Variants in BTBD16 observed in about 807,000 individuals in gnomAD.
BTBD16 encodes the protein BTB/POZ domain-containing protein 16.
BTBD16 carries 66 observed loss-of-function variants against 67.4 expected under a neutral mutation model. The ratio of observed to expected loss-of-function variants is 0.98; its 90% CI spans 0.80 to 1.20. The LOEUF (loss-of-function observed/expected upper bound fraction) is 1.20, where lower values mean the gene tolerates loss of function less well. BTBD16 is among the 50% of genes most tolerant of loss of function. The pLI, the probability that BTBD16 is intolerant of heterozygous loss-of-function variation, is 0.00. For missense variants in BTBD16, 634 were observed against 616.0 expected (o/e 1.03, Z -0.31); for synonymous variants, 242 against 236.4 (o/e 1.02, Z -0.22).
chr10:122,284,001 A>T (rs989706065), intron 4 of BTBD16, 77 bp downstream of exon 4: 20 of 1,088,452 alleles, frequency 1.8e-5, no homozygotes, highest in Middle Eastern at 1.9e-4. Context: ...ATGGAAGGAG[A>T]CCAGTCCATA....
intron 9 of BTBD16, among the ~76,000 whole-genome samples, chr10:122,302,414 T>C (rs2096395734): frequency 6.6e-6 from 1 of 152,212 alleles, no homozygotes. Flanking sequence ...GCTCATGGAC[T>C]TAGGAGGATG....
At chr10:122,294,565 C>T (rs2096379786) in intron 7 of BTBD16, among the ~76,000 whole-genome samples, 1 of 152,254 alleles carries the variant, frequency 6.6e-6, no homozygotes, top group Non-Finnish European at 1.5e-5. Flanking sequence ...CACACACGCT[C>T]ACACACATAC....
intron 3 of BTBD16, among the ~76,000 whole-genome samples, chr10:122,283,087 T>C (rs1462291713): frequency 6.6e-6 from 1 of 152,146 alleles, no homozygotes; most frequent in East Asian, 1.9e-4. Flanking sequence ...AGTTTGGGCT[T>C]TCCCCCAAGA....
rs370753284 is a variant in BTBD16, at chr10:122,331,153, A to G, written c.1004-23A>G. ...TCTGGTGTGAATAAAACTAAAAAAC[A>G]TTCTCTTTGCGTTTCTTCCCAGGCA... On this transcript the variant is annotated intron_variant, in intron 11 of 15. Coordinates refer to ENST00000260723, the MANE Select transcript of BTBD16 (RefSeq NM_144587.5). The G allele has an allele frequency of 1.5e-5, 24 of 1,604,492 alleles. No individual in the cohort carries two copies. In the African/African-American group the frequency reaches 2.6e-4, roughly 17 times the overall value.
chr10:122,332,753 G>A lies in BTBD16; in HGVS notation c.1164+240G>A, dbSNP rs528025479. ...CACTAAGAGGACCAGCAGTCCTGGT[G>A]GTACTGGAATGGAGGAGTTGCCCTG... On this transcript the variant is annotated intron_variant, in intron 13 of 15. Coordinates refer to ENST00000260723, the MANE Select transcript of BTBD16 (RefSeq NM_144587.5). The A allele has an allele frequency of 9.7e-5, 87 of 894,216 alleles. 1 individual carries two copies. The South Asian group carries it at 3.6e-3, about 37-fold the overall frequency. 55.4% of individuals were successfully genotyped at this position (894,216 alleles called of 1,614,324 possible).
chr10:122,317,301 C>T (rs1304734661), intron 10 of BTBD16, among the ~76,000 whole-genome samples: 1 of 152,114 alleles, frequency 6.6e-6, no homozygotes, highest in Non-Finnish European at 1.5e-5. Flanking sequence ...AGCTCTTATC[C>T]TGTTTCTAAA....
intron 7 of BTBD16, 43 bp downstream of exon 7, chr10:122,291,237 G>A: frequency 1.3e-6 from 2 of 1,584,216 alleles, no homozygotes; most frequent in Non-Finnish European, 1.7e-6. Flanking sequence ...GGGCCTGGGG[G>A]AAATCGGAAG....
intron 3 of BTBD16, among the ~76,000 whole-genome samples, chr10:122,278,141 C>T (rs1213011621): frequency 2.0e-5 from 3 of 152,180 alleles, no homozygotes; most frequent in African/African-American, 7.2e-5. Context: ...GGAGCTAGGC[C>T]TAGGAACAGA....
At position 122,338,113 on chromosome 10, in the gene BTBD16, T is replaced by TC; in HGVS notation, c.*34dup. 1.3e-6 allele frequency: 2 copies of TC among 1,511,838 alleles called. No individual in the cohort carries two copies. Among genetic ancestry groups the TC allele is most frequent in the South Asian group, 1.1e-5 (1 of 88,426 alleles). 93.7% of individuals were successfully genotyped at this position (1,511,838 alleles called of 1,614,324 possible). A position where few individuals can be genotyped will look rare whatever the true frequency, so the allele number is the denominator to read the frequency against. ...GTTTCCAGAAGAATCTATGGGATTT[T>TC]CCCCCCACTGGTCTGCATAAAAGAA... is the stretch of plus-strand genomic sequence containing the variant. On this transcript the variant is annotated 3_prime_UTR_variant, in exon 16 of 16. Coordinates refer to ENST00000260723, the MANE Select transcript of BTBD16 (RefSeq NM_144587.5).
At chr10:122,332,852 C>T in intron 13 of BTBD16, 2 of 985,416 alleles carry the variant, frequency 2.0e-6, no homozygotes, top group South Asian at 4.7e-5. Context: ...CTATTTCCCA[C>T]AAACACCAAC....
chr10:122,329,080 G>T (rs1347642213), intron 10 of BTBD16, among the ~76,000 whole-genome samples: 2 of 152,148 alleles, frequency 1.3e-5, no homozygotes, highest in African/African-American at 4.8e-5. Context: ...TTTCCCATCT[G>T]TAAAATGGAG....
Position 122,291,090 on chromosome 10 carries a change from G to T in BTBD16, c.486G>T (p.Thr162=), listed in dbSNP as rs776344285. 1 of 1,610,952 alleles carries T rather than the reference G, an allele frequency of 6.2e-7. No homozygotes were observed. Among genetic ancestry groups the T allele is most frequent in the East Asian group, 2.2e-5 (1 of 44,710 alleles). ...GCTGTGCCTCCCCAGCCTTCGCCAC[G>T]GCCCTGAAGAACCTCTACATGAGTG... The part of the protein sequence containing the change: ...DPLVTKVAFA[T]ALKNLYMSEV... Residue 162 remains threonine, a synonymous_variant, in exon 7 of 16, where the codon ACG becomes ACT. Transcript: ENST00000260723.
intron 5 of BTBD16, among the ~76,000 whole-genome samples, chr10:122,286,969 C>G (rs949304700): frequency 3.9e-5 from 6 of 152,172 alleles, no homozygotes; most frequent in Non-Finnish European, 7.3e-5. Context: ...AGCCAGCATA[C>G]CAGTCATGAC....
intron 11 of BTBD16, among the ~76,000 whole-genome samples, chr10:122,330,384 C>A (rs2096453187): frequency 6.6e-6 from 1 of 152,172 alleles, no homozygotes; most frequent in Non-Finnish European, 1.5e-5. Context: ...GCCTAAATAT[C>A]TTCTTCCTTT....
chr10:122,298,238 G>T (rs551544019), intron 8 of BTBD16, among the ~76,000 whole-genome samples: 10 of 152,184 alleles, frequency 6.6e-5, no homozygotes, highest in Non-Finnish European at 1.5e-4. Context: ...GAGCCAAGGA[G>T]GGCAGCAGCC....
chr10:122,310,272 C>T (rs181640633), intron 10 of BTBD16, among the ~76,000 whole-genome samples: 32 of 152,322 alleles, frequency 2.1e-4, no homozygotes, highest in Non-Finnish European at 3.7e-4. Flanking sequence ...AGAAGAATGT[C>T]GCAGTAGATT....
intron 10 of BTBD16, among the ~76,000 whole-genome samples, chr10:122,309,377 G>A (rs575730453): frequency 2.7e-5 from 4 of 149,660 alleles, no homozygotes; most frequent in East Asian, 2.0e-4. Context: ...AAAGAGTCTC[G>A]CTCTGTCGCC....
chr10:122,297,148 A>G (rs1186901578), intron 7 of BTBD16, among the ~76,000 whole-genome samples: 1 of 152,190 alleles, frequency 6.6e-6, no homozygotes, highest in Non-Finnish European at 1.5e-5. Flanking sequence ...TGACTGCCAA[A>G]TGTGGTTATC....
At chr10:122,275,521 A>T (rs1237546025) in intron 2 of BTBD16, among the ~76,000 whole-genome samples, 2 of 152,104 alleles carry the variant, frequency 1.3e-5, no homozygotes, top group African/African-American at 4.8e-5. Context: ...CACCACCACC[A>T]CCCATTATTT....
Sources: gnomAD v4.1 joint callset for allele counts (sites outside exome capture counted in the v4.1 genomes callset) on GRCh38, gnomAD v4.1.1 for gene constraint, MANE v1.5 for transcripts, NCBI Gene and HGNC (gene_info 2026-07-23, HGNC 2026-07-21) for gene names.